The following MCPH1 variants were observed in gnomAD, a reference collection of about 807,000 sequenced individuals.
MCPH1 encodes microcephalin.
MCPH1 carries 104 observed loss-of-function variants against 84.5 expected under a neutral mutation model. The observed-to-expected ratio is 1.23, with a 90% CI of 1.05 to 1.45. MCPH1 has a LOEUF of 1.45. Among genes scored for constraint, MCPH1 ranks in the 40% most tolerant of loss-of-function variants. The probability of loss-of-function intolerance (pLI) is 0.00; values close to 1 mark genes in which losing one functional copy is unlikely to be tolerated. For synonymous variants in MCPH1, 514 were observed against 366.8 expected (o/e 1.40, Z -4.58); for missense variants, 1,498 against 1,005.7 (o/e 1.49, Z -6.62).
At chr8:6,409,976 A>ATTTTTTTTTTTTTTTTTTTTTTTTTTTTT (rs34420641) in intron 2 of MCPH1, among the ~76,000 whole-genome samples, 2 of 147,582 alleles carry the variant, frequency 1.4e-5, no homozygotes, top group African/African-American at 5.0e-5. Context: ...GTAGGGAGTA[A>ATTTTTTTTTTTTTTTTTTTTTTTTTTTTT]TTTTTTTTTT....
chr8:6,543,228 T>C (rs1020386718), intron 12 of MCPH1, among the ~76,000 whole-genome samples: 1 of 152,158 alleles, frequency 6.6e-6, no homozygotes, highest in Non-Finnish European at 1.5e-5. Flanking sequence ...ATACACAGGA[T>C]TAATTTACAC....
At chr8:6,631,323 T>C (rs1305055595) in intron 13 of MCPH1, among the ~76,000 whole-genome samples, 2 of 152,088 alleles carry the variant, frequency 1.3e-5, no homozygotes, top group East Asian at 3.8e-4. Flanking sequence ...TAAAAATAGA[T>C]AAATTGCACT....
chr8:6,538,067 C>T (rs760353105), intron 12 of MCPH1, among the ~76,000 whole-genome samples: 11 of 151,838 alleles, frequency 7.2e-5, no homozygotes, highest in East Asian at 3.9e-4. Context: ...ATTTCAATTT[C>T]GAAATAGGAT....
At chr8:6,544,293 C>T (rs1279574021) in intron 12 of MCPH1, among the ~76,000 whole-genome samples, 2 of 152,144 alleles carry the variant, frequency 1.3e-5, no homozygotes, top group East Asian at 3.9e-4. Context: ...CTGTGGCCAG[C>T]AGTCCAGCAA....
chr8:6,582,703 G>C (rs1381861270), intron 12 of MCPH1, among the ~76,000 whole-genome samples: 1 of 152,100 alleles, frequency 6.6e-6, no homozygotes, highest in African/African-American at 2.4e-5. Flanking sequence ...CCACTGTCTG[G>C]AATCCTTCGT....
At chr8:6,630,716 G>A (rs761662486) in intron 13 of MCPH1, among the ~76,000 whole-genome samples, 2 of 151,338 alleles carry the variant, frequency 1.3e-5, no homozygotes, top group African/African-American at 2.4e-5. Context: ...GGGAGGTGGA[G>A]GTTGCAGTGA....
intron 12 of MCPH1, among the ~76,000 whole-genome samples, chr8:6,531,086 G>A (rs1434833850): frequency 1.3e-5 from 2 of 152,194 alleles, no homozygotes; most frequent in Non-Finnish European, 2.9e-5. Context: ...GAGTCAGAAA[G>A]CGGGCTTGGC....
chr8:6,621,517 C>T lies in MCPH1; in HGVS notation c.2278C>T (p.Pro760Ser). The change falls in exon 13 of 14, where the codon CCA (proline) becomes TCA (serine). Residue 760 changes from proline to serine, a missense_variant. By Grantham distance (74) the Pro-to-Ser change is moderately conservative. Transcript: ENST00000344683. Reference protein sequence around the residue: ...PYRGTLFADQPAMFVSPASSP... With the variant: ...PYRGTLFADQSAMFVSPASSP... ...CCGCGGAACCCTCTTTGCCGACCAG[C>T]CAGCGATGTTTGTCTCGCCTGCCAG... 2 of 1,614,170 alleles carry T rather than the reference C, an allele frequency of 1.2e-6. No individual in the cohort carries two copies. The highest frequency in any genetic ancestry group is 2.2e-5 in the South Asian group (2 of 91,086).
chr8:6,418,454 A>G (rs112578059), intron 3 of MCPH1, among the ~76,000 whole-genome samples: 17 of 151,972 alleles, frequency 1.1e-4, no homozygotes, highest in African/African-American at 3.1e-4. Context: ...CTATATTTGT[A>G]TATTGGTTTG....
chr8:6,408,353 C>T (rs1798036932), intron 1 of MCPH1, among the ~76,000 whole-genome samples: 1 of 152,098 alleles, frequency 6.6e-6, no homozygotes, highest in Non-Finnish European at 1.5e-5. Context: ...ACTACAGGCA[C>T]TACCACGCCC....
chr8:6,431,292 GTTATAC>G (rs900872841), intron 3 of MCPH1, among the ~76,000 whole-genome samples: 8 of 152,108 alleles, frequency 5.3e-5, no homozygotes, highest in African/African-American at 1.7e-4. Flanking sequence ...TCTTGCTTCT[GTTATAC>G]TTAAATACCA....
intron 13 of MCPH1, among the ~76,000 whole-genome samples, chr8:6,632,545 C>T (rs972625702): frequency 6.6e-6 from 1 of 152,202 alleles, no homozygotes; most frequent in Non-Finnish European, 1.5e-5. Flanking sequence ...CGCAGTGACT[C>T]ATGCCTGTAA....
chr8:6,644,587 C>G lies in MCPH1; in HGVS notation c.*1538C>G, dbSNP rs1429185155. The G allele has an allele frequency of 2.0e-5, 3 of 152,158 alleles. No homozygotes were observed. The East Asian group carries it at 5.8e-4, about 29-fold the overall frequency. 9.4% of individuals were successfully genotyped at this position (152,158 alleles called of 1,614,324 possible). Reference sequence around the variant, plus strand: ...CCAAATCAAGAACGCAATCCCATTTCCAATAGCCACGGAATGAAATACCTA... The same window carrying G: ...CCAAATCAAGAACGCAATCCCATTTGCAATAGCCACGGAATGAAATACCTA... On this transcript the variant is annotated 3_prime_UTR_variant, in exon 14 of 14. Coordinates refer to ENST00000344683, the MANE Select transcript of MCPH1 (RefSeq NM_024596.5).
intron 11 of MCPH1, among the ~76,000 whole-genome samples, chr8:6,497,850 A>C (rs1337341094): frequency 2.0e-5 from 3 of 152,240 alleles, no homozygotes; most frequent in Admixed American, 1.3e-4. Context: ...TAATAGATAC[A>C]TTGATTTGAA....
At chr8:6,564,663 AC>A (rs1462130063) in intron 12 of MCPH1, among the ~76,000 whole-genome samples, 1 of 152,306 alleles carries the variant, frequency 6.6e-6, no homozygotes, top group East Asian at 1.9e-4. Context: ...GACCACATCT[AC>A]CCATAAAAGA....
At chr8:6,406,812 C>T (rs1424213367) in intron 1 of MCPH1, 123 bp downstream of exon 1, 11 of 1,028,524 alleles carry the variant, frequency 1.1e-5, no homozygotes, top group Non-Finnish European at 1.6e-5. Flanking sequence ...CTGCCTGTCT[C>T]CCCCAGACCC....
chr8:6,648,350 C>T lies in MCPH1; in HGVS notation c.*5301C>T, dbSNP rs1586919054. On this transcript the variant is annotated 3_prime_UTR_variant, in exon 14 of 14. Coordinates refer to ENST00000344683, the MANE Select transcript of MCPH1 (RefSeq NM_024596.5). ...GCTTAGTCATCTCTTGCTCTTTGAA[C>T]TCCATGTCTGTATCAGCTACCCAGA... 6.6e-6 allele frequency: 1 copy of T among 152,258 alleles called. No individual in the cohort carries two copies. 9.4% of individuals were successfully genotyped at this position (152,258 alleles called of 1,614,324 possible).
chr8:6,621,061 C>G, intron 12 of MCPH1: 2 of 316,612 alleles, frequency 6.3e-6, no homozygotes, highest in South Asian at 2.9e-5. Context: ...CCCAGCACAG[C>G]CGGCATTTGC....
At chr8:6,501,485 A>G (rs1812166178) in intron 12 of MCPH1, 1 of 152,110 alleles carries the variant, frequency 6.6e-6, no homozygotes, top group East Asian at 1.9e-4. Flanking sequence ...AAAAGGAGTT[A>G]AAACTCCAGG....
Sources: allele counts gnomAD v4.1 joint callset (sites outside exome capture counted in the v4.1 genomes callset), GRCh38; gene constraint gnomAD v4.1.1; transcripts MANE v1.5; gene names NCBI Gene and HGNC (gene_info 2026-07-23, HGNC 2026-07-21).